Variants in TMEM178A observed in about 807,000 individuals in gnomAD.
TMEM178A encodes the protein transmembrane protein 178A.
In TMEM178A, 12 loss-of-function variants were observed where a neutral mutation model predicts 29.1. That is an observed-to-expected ratio of 0.41 (90% CI 0.26 to 0.67). TMEM178A has a LOEUF of 0.67. TMEM178A is among the 30% of genes least tolerant of loss of function. TMEM178A has a pLI of 0.29. For synonymous variants in TMEM178A, 210 were observed against 187.2 expected (o/e 1.12, Z -0.99); for missense variants, 366 against 419.1 (o/e 0.87, Z 1.11).
At chr2:39,719,926 A>G (rs1672670436), downstream of TMEM178A, among the ~76,000 whole-genome samples, 1 of 152,198 alleles carries the variant, frequency 6.6e-6, no homozygotes, top group African/African-American at 2.4e-5. Context: ...CTGAATGGCT[A>G]TTATGTGCTC....
At chr2:39,675,358 C>T (rs1670573726) in intron 1 of TMEM178A, among the ~76,000 whole-genome samples, 1 of 151,998 alleles carries the variant, frequency 6.6e-6, no homozygotes, top group Non-Finnish European at 1.5e-5. Context: ...CTGAACAGGT[C>T]CCAACACATC....
At chr2:39,711,186 G>T (rs1460039568) in intron 3 of TMEM178A, among the ~76,000 whole-genome samples, 1 of 152,208 alleles carries the variant, frequency 6.6e-6, no homozygotes, top group Non-Finnish European at 1.5e-5. Context: ...TTATCTTCCA[G>T]CTTTAAGCTT....
downstream of TMEM178A, among the ~76,000 whole-genome samples, chr2:39,719,916 CT>C (rs1475368108): frequency 6.6e-6 from 1 of 152,096 alleles, no homozygotes; most frequent in East Asian, 1.9e-4. Context: ...CAAATATTTA[CT>C]GAATGGCTAT....
chr2:39,688,008 T>C (rs1158077047), intron 1 of TMEM178A, among the ~76,000 whole-genome samples: 1 of 152,182 alleles, frequency 6.6e-6, no homozygotes, highest in African/African-American at 2.4e-5. Flanking sequence ...GAGGTAACAA[T>C]AGAACCTATC....
intron 1 of TMEM178A, among the ~76,000 whole-genome samples, chr2:39,676,034 C>T (rs77215198): frequency 0.019 from 2,841 of 152,288 alleles, 62 homozygotes; most frequent in East Asian, 0.068. Context: ...GATCCTCCCA[C>T]CTTGGCCTTC....
rs1241523815 is a variant in TMEM178A, at chr2:39,666,097, G to A, written c.123G>A (p.Glu41=). 6 of 1,565,960 alleles carry A rather than the reference G, an allele frequency of 3.8e-6. No homozygotes were observed. Among genetic ancestry groups the A allele is most frequent in the Non-Finnish European group, 4.3e-6 (5 of 1,160,224 alleles). The change falls in exon 1 of 4, where the codon GAG becomes GAA. Residue 41 remains glutamate, a synonymous_variant. Transcript: ENST00000281961. ...AGACCGACCCCCGGCGCCACAAGGA[G>A]AGCTGCGAGCGCAGCCGCGCGGGCG... ...WYETDPRRHK[E]SCERSRAGAD... is the part of the protein sequence containing the mutation.
chr2:39,698,666 TAGAA>T (rs1671654934), intron 1 of TMEM178A, among the ~76,000 whole-genome samples: 1 of 151,660 alleles, frequency 6.6e-6, no homozygotes, highest in Non-Finnish European at 1.5e-5. Context: ...AATGGCCTCA[TAGAA>T]AGAAGTAGGA....
chr2:39,693,648 G>A (rs1475635539), intron 1 of TMEM178A, among the ~76,000 whole-genome samples: 2 of 152,138 alleles, frequency 1.3e-5, no homozygotes, highest in African/African-American at 2.4e-5. Flanking sequence ...GAGAAGAGGA[G>A]GGCAGGGAGG....
the TMEM178A span, among the ~76,000 whole-genome samples, chr2:39,730,236 G>A: frequency 6.6e-6 from 1 of 152,144 alleles, no homozygotes; most frequent in African/African-American, 2.4e-5. Context: ...TTGAAAGGAG[G>A]AGGGTTTCCA....
At chr2:39,727,182 C>T in the TMEM178A span, among the ~76,000 whole-genome samples, 3 of 152,168 alleles carry the variant, frequency 2.0e-5, no homozygotes, top group African/African-American at 4.8e-5. Flanking sequence ...GGCTGGTATC[C>T]TCTTGCTCCT....
chr2:39,723,553 G>A, the TMEM178A span, among the ~76,000 whole-genome samples: 3 of 152,114 alleles, frequency 2.0e-5, no homozygotes, highest in Non-Finnish European at 4.4e-5. Context: ...GAGAAAGCTC[G>A]GATTCTCAAA....
At chr2:39,697,934 T>C (rs1381671256) in intron 1 of TMEM178A, 3 of 152,150 alleles carry the variant, frequency 2.0e-5, no homozygotes, top group Non-Finnish European at 4.4e-5. Context: ...TCTGAGAAAA[T>C]AGTTTCTCCC....
chr2:39,722,847 C>T (rs1358204915), downstream of TMEM178A, among the ~76,000 whole-genome samples: 2 of 152,264 alleles, frequency 1.3e-5, no homozygotes, highest in East Asian at 3.9e-4. Flanking sequence ...CAGGCCACTG[C>T]CTTGAGTGTG....
chr2:39,710,236 T>TGC (rs1672245999), intron 3 of TMEM178A, among the ~76,000 whole-genome samples: 1 of 152,122 alleles, frequency 6.6e-6, no homozygotes, highest in African/African-American at 2.4e-5. Flanking sequence ...AACAATAAAC[T>TGC]TGAAGTTTGA....
chr2:39,707,279 T>C, intron 3 of TMEM178A, 93 bp downstream of exon 3: 1 of 1,435,178 alleles, frequency 7.0e-7, no homozygotes, highest in Non-Finnish European at 9.2e-7. Context: ...TCCCTGTTAA[T>C]TTTGTTTTCA....
chr2:39,733,254 T>A, the TMEM178A span, among the ~76,000 whole-genome samples: 1 of 152,226 alleles, frequency 6.6e-6, no homozygotes, highest in Admixed American at 6.5e-5. Context: ...ATTTCTGTAA[T>A]AGGCATTAAA....
chr2:39,710,561 A>G (rs946319672), intron 3 of TMEM178A, among the ~76,000 whole-genome samples: 3 of 152,170 alleles, frequency 2.0e-5, no homozygotes, highest in Admixed American at 6.5e-5. Flanking sequence ...TGTGGGATTT[A>G]GGGGCGTTTG....
intron 1 of TMEM178A, among the ~76,000 whole-genome samples, chr2:39,700,743 A>G (rs72934285): frequency 0.04 from 5,985 of 150,270 alleles, 384 homozygotes; most frequent in African/African-American, 0.14. Context: ...TTGTTCCTCT[A>G]TTTCTTCATT....
intron 2 of TMEM178A, among the ~76,000 whole-genome samples, chr2:39,706,153 T>C (rs17024189): frequency 0.022 from 3,398 of 152,324 alleles, 115 homozygotes; most frequent in African/African-American, 0.076. Flanking sequence ...GTAGTCAGCC[T>C]ACCTCTTGGT....
Sources: allele counts gnomAD v4.1 joint callset (sites outside exome capture counted in the v4.1 genomes callset), GRCh38; gene constraint gnomAD v4.1.1; transcripts MANE v1.5; gene names NCBI Gene and HGNC (gene_info 2026-07-23, HGNC 2026-07-21).